MAPRE2: variants seen among roughly 807,000 people sequenced by gnomAD.
MAPRE2 encodes the protein microtubule associated protein RP/EB family member 2, also known as microtubule-associated protein RP/EB family member 2.
A neutral mutation model predicts 43.2 loss-of-function variants in MAPRE2; 13 were observed. The observed-to-expected ratio is 0.30, with a 90% confidence interval of 0.20 to 0.48. The LOEUF (loss-of-function observed/expected upper bound fraction) is 0.48, where lower values mean the gene tolerates loss of function less well. MAPRE2 is among the 20% of genes least tolerant of loss of function. The probability of loss-of-function intolerance (pLI) is 0.99; values close to 1 mark genes in which losing one functional copy is unlikely to be tolerated. For synonymous variants in MAPRE2, 135 were observed against 148.8 expected, an observed-to-expected ratio of 0.91 and a Z score of 0.68; for missense variants, 161 against 400.2, an observed-to-expected ratio of 0.40 and a Z score of 5.10.
At chr18:35,047,716 TAA>T (rs34691999) in intron 1 of MAPRE2, among the ~76,000 whole-genome samples, 2 of 143,062 alleles carry the variant, frequency 1.4e-5, no homozygotes, top group African/African-American at 2.6e-5. Context: ...GTAGGTTACT[TAA>T]AAAAAAAAAA....
chr18:35,085,051 A>G (rs1907806144), intron 2 of MAPRE2, among the ~76,000 whole-genome samples: 3 of 152,178 alleles, frequency 2.0e-5, no homozygotes, highest in African/African-American at 7.2e-5. Context: ...ATTTAATCAG[A>G]TTTTTGTTAG....
intron 6 of MAPRE2, among the ~76,000 whole-genome samples, chr18:35,133,626 G>A (rs997594908): frequency 4.1e-4 from 62 of 152,342 alleles, no homozygotes; most frequent in African/African-American, 1.3e-3. Context: ...TAAGGCCGGC[G>A]TGCAGGATCA....
At chr18:35,012,493 ACCCAAGTG>A (rs1370716264) in intron 2 of MAPRE2, among the ~76,000 whole-genome samples, 2 of 152,206 alleles carry the variant, frequency 1.3e-5, no homozygotes, top group African/African-American at 4.8e-5. Context: ...GGTGGAAACA[ACCCAAGTG>A]TCCATTGAGA....
At chr18:35,028,179 G>C (rs1354608619) in intron 2 of MAPRE2, among the ~76,000 whole-genome samples, 1 of 152,190 alleles carries the variant, frequency 6.6e-6, no homozygotes, top group African/African-American at 2.4e-5. Context: ...ATGATTCAAA[G>C]GGAGGAGAAA....
At chr18:35,072,850 C>T (rs1450738801) in intron 2 of MAPRE2, among the ~76,000 whole-genome samples, 3 of 152,046 alleles carry the variant, frequency 2.0e-5, no homozygotes, top group Non-Finnish European at 2.9e-5. Flanking sequence ...GGATAACTTA[C>T]TGGCTGCCTA....
At chr18:34,985,500 T>TAATATATAATATATATATTATATATTATA (rs2097019987) in intron 1 of MAPRE2, among the ~76,000 whole-genome samples, 1 of 44,076 alleles carries the variant, frequency 2.3e-5, no homozygotes, top group African/African-American at 1.0e-4. Flanking sequence ...GTATATTATA[T>TAATATATAATATATATATTATATATTATA]AATATATAAT....
At chr18:35,109,520 T>C (rs1909076338) in intron 4 of MAPRE2, among the ~76,000 whole-genome samples, 1 of 152,216 alleles carries the variant, frequency 6.6e-6, no homozygotes, top group African/African-American at 2.4e-5. Context: ...TTGATGGAAA[T>C]AGCTTTGAAT....
intron 2 of MAPRE2, among the ~76,000 whole-genome samples, chr18:35,023,525 A>G (rs2150588779): frequency 6.7e-6 from 1 of 148,776 alleles, no homozygotes; most frequent in South Asian, 2.1e-4. Flanking sequence ...AAATATATAT[A>G]TATATACATA....
intron 2 of MAPRE2, among the ~76,000 whole-genome samples, chr18:35,077,273 A>G (rs1193666069): frequency 9.8e-6 from 1 of 101,730 alleles, no homozygotes; most frequent in Admixed American, 9.1e-5. Flanking sequence ...ACACACACAT[A>G]CACACACACA....
rs1603389897 is a variant in MAPRE2, at chr18:35,012,132, A to C, written c.-8+6579A>C. Among the ~76,000 whole-genome samples, 12 of 152,300 alleles carry C rather than the reference A, an allele frequency of 7.9e-5. No individual in the cohort carries two copies. In the South Asian group the frequency reaches 2.5e-3, roughly 32 times the overall value. On this transcript the variant is annotated intron_variant, in intron 2 of 7. Coordinates refer to the MAPRE2 transcript ENST00000413393. ...GTGGGGGCTTTGGTGAGTGTTATTT[A>C]CTGAGACAGGACACATTGTAAACGT...
chr18:35,028,049 C>T (rs762125161), intron 2 of MAPRE2, among the ~76,000 whole-genome samples: 1 of 152,218 alleles, frequency 6.6e-6, no homozygotes, highest in Non-Finnish European at 1.5e-5. Flanking sequence ...GGTAGCTGAA[C>T]TTCTCACAGG....
At chr18:35,016,943 A>T (rs544420541) in intron 2 of MAPRE2, among the ~76,000 whole-genome samples, 4 of 151,980 alleles carry the variant, frequency 2.6e-5, no homozygotes, top group Non-Finnish European at 5.9e-5. Context: ...TCTTCACTTA[A>T]ATCTTTAATC....
intron 1 of MAPRE2, among the ~76,000 whole-genome samples, chr18:35,001,888 A>G (rs940291241): frequency 3.3e-5 from 5 of 152,316 alleles, no homozygotes; most frequent in African/African-American, 1.2e-4. Context: ...TTTTGAGATG[A>G]TTGTACAGTA....
intron 2 of MAPRE2, among the ~76,000 whole-genome samples, chr18:35,078,570 G>A (rs965353371): frequency 1.3e-5 from 2 of 152,110 alleles, no homozygotes; most frequent in African/African-American, 4.8e-5. Context: ...GTTCACAGCT[G>A]ATAATGAGAA....
intron 1 of MAPRE2, among the ~76,000 whole-genome samples, chr18:35,064,000 TAAAAAA>T (rs575347953): frequency 7.7e-4 from 26 of 33,970 alleles, no homozygotes; most frequent in South Asian, 1.8e-3. Flanking sequence ...CCTGTCTCTT[TAAAAAA>T]AAAAAAAAAA....
At chr18:35,029,960 A>T (rs182829383) in intron 2 of MAPRE2, among the ~76,000 whole-genome samples, 7 of 152,338 alleles carry the variant, frequency 4.6e-5, no homozygotes, top group Admixed American at 1.3e-4. Context: ...TACCAAAAAA[A>T]TGCCTGCAGT....
At chr18:34,998,060 A>G (rs900269264) in intron 1 of MAPRE2, among the ~76,000 whole-genome samples, 14 of 152,166 alleles carry the variant, frequency 9.2e-5, no homozygotes, top group Non-Finnish European at 1.6e-4. Flanking sequence ...TCACTGGGAT[A>G]TTTCCCAGTT....
chr18:35,135,433 A>G (rs1000923318), intron 6 of MAPRE2, among the ~76,000 whole-genome samples: 1 of 151,958 alleles, frequency 6.6e-6, no homozygotes, highest in African/African-American at 2.4e-5. Flanking sequence ...ATCATCCTAG[A>G]TATCTTAAAG....
At chr18:35,028,181 G>A (rs2097046228) in intron 2 of MAPRE2, among the ~76,000 whole-genome samples, 2 of 152,216 alleles carry the variant, frequency 1.3e-5, no homozygotes, top group African/African-American at 2.4e-5. Context: ...GATTCAAAGG[G>A]AGGAGAAATA....
Sources: allele counts gnomAD v4.1 joint callset (sites outside exome capture counted in the v4.1 genomes callset), GRCh38; gene constraint gnomAD v4.1.1; transcripts MANE v1.5; gene names NCBI Gene and HGNC (gene_info 2026-07-23, HGNC 2026-07-21).